IFT172: variants seen among roughly 807,000 people sequenced by gnomAD.
The protein encoded by IFT172 is intraflagellar transport protein 172 homolog.
In IFT172, 164 loss-of-function variants were observed where a neutral mutation model predicts 248.9. That is an observed-to-expected ratio of 0.66 (90% CI 0.58 to 0.75). IFT172 has a LOEUF of 0.75. Among genes scored for constraint, IFT172 ranks in the 30% least tolerant of loss-of-function variants. IFT172 has a pLI of 0.00. For missense variants in IFT172, 1,950 were observed against 2,192.4 expected, an observed-to-expected ratio of 0.89 and a Z score of 2.21; for synonymous variants, 729 against 791.6, an observed-to-expected ratio of 0.92 and a Z score of 1.33.
At chr2:27,483,225 C>T in intron 7 of IFT172, 64 bp downstream of exon 7, 2 of 917,362 alleles carry the variant, frequency 2.2e-6, no homozygotes, top group Non-Finnish European at 3.6e-6. Flanking sequence ...CTGTGTTGCC[C>T]ATGCTGGTCT....
At chr2:27,444,592 C>CCTGCGA in intron 47 of IFT172, 71 bp from the exon 48 acceptor site, 1 of 1,188,710 alleles carries the variant, frequency 8.4e-7, no homozygotes. Flanking sequence ...CCATCGCAGG[C>CCTGCGA]TTCAGGGTCT....
chr2:27,462,900 A>C, intron 19 of IFT172, 107 bp from the exon 20 acceptor site: 1 of 1,233,028 alleles, frequency 8.1e-7, no homozygotes, highest in Non-Finnish European at 1.2e-6. Context: ...AGACTTGGGA[A>C]GGTAAAACAC....
chr2:27,481,182 G>C lies in IFT172; in HGVS notation c.649C>G (p.Arg217Gly). Residue 217 changes from arginine to glycine, a missense_variant, in exon 8 of 48, where the codon CGG (arginine) becomes GGG (glycine). Around this residue, in one of 3 missense-constraint regions of IFT172, gnomAD observed 1,166 missense variants for 1,254.1 expected, o/e 0.93. Coordinates refer to ENST00000260570, the MANE Select transcript of IFT172 (RefSeq NM_015662.3). The stretch of plus-strand genomic sequence containing the variant: ...TCTTTTCCATAGGCTACAATTTTCC[G>C]ATCACAGCCTGCAGCCACGATGCTA... ...TNSIVAAGCD[R>G]KIVAYGKEGH... 1 of 1,613,072 alleles carries C rather than the reference G, an allele frequency of 6.2e-7. No individual in the cohort carries two copies. The highest frequency in any genetic ancestry group is 8.5e-7 in the Non-Finnish European group (1 of 1,179,976).
At position 27,460,134 on chromosome 2, in the gene IFT172, A is replaced by T. The variant is rs887877302; in HGVS notation, c.2522-305T>A. On this transcript the variant is annotated intron_variant, in intron 23 of 47. Coordinates refer to ENST00000260570, the MANE Select transcript of IFT172 (RefSeq NM_015662.3). ...CCCCCAACCCCGTGCTCTCTGAAAC[A>T]TGTGCTGTGTCCACTCAGAGTTGAA... is the stretch of plus-strand genomic sequence containing the variant. Among the ~76,000 whole-genome samples, 3 of 151,034 alleles carry T rather than the reference A, an allele frequency of 2.0e-5. No individual in the cohort carries two copies. The East Asian group carries it at 5.8e-4, about 29-fold the overall frequency.
At chr2:27,475,117 T>C (rs960960200) in intron 14 of IFT172, among the ~76,000 whole-genome samples, 4 of 152,356 alleles carry the variant, frequency 2.6e-5, no homozygotes, top group African/African-American at 9.6e-5. Flanking sequence ...ATAATTATTA[T>C]ATATGAAATT....
chr2:27,454,113 G>A lies in IFT172; in HGVS notation c.3580C>T (p.His1194Tyr), dbSNP rs764965204. Residue 1194 changes from histidine (H) to tyrosine (Y), a missense_variant, in exon 33 of 48, where the codon CAC becomes TAC. His to Tyr is a moderately conservative substitution (Grantham distance 83). Coordinates refer to ENST00000260570, the MANE Select transcript of IFT172 (RefSeq NM_015662.3). This position sits in a 1 kb window ranked among gnomAD's most constrained non-coding sequence, Gnocchi z 4.2. ...ACCTCGGCGACACTGTCAGGGTCGTGAGCCTCAGCCACACGCTGAGCTGCC... is the reference window on the plus strand; with the variant it reads ...ACCTCGGCGACACTGTCAGGGTCGTAAGCCTCAGCCACACGCTGAGCTGCC... ...WEAAQRVAEA[H>Y]DPDSVAEVLV... The A allele has an allele frequency of 1.2e-6, 2 of 1,613,896 alleles. No homozygotes were observed. The highest frequency in any genetic ancestry group is 1.7e-6 in the Non-Finnish European group (2 of 1,179,944).
chr2:27,446,680 ATTTTTTTTTTTTTT>A (rs766069964), intron 42 of IFT172, among the ~76,000 whole-genome samples: 10 of 80,466 alleles, frequency 1.2e-4, no homozygotes, highest in Middle Eastern at 9.4e-3. Flanking sequence ...TGCCTGGCTA[ATTTTTTTTTTTTTT>A]TTTTTTTTTT....
chr2:27,447,828 T>C lies in IFT172; in HGVS notation c.4523A>G (p.Asp1508Gly). ...EAYHSWADLRDVLFNLCENLV... is the reference protein window; with the variant it reads ...EAYHSWADLRGVLFNLCENLV... ...CTTCCTCACCAGGTTGAAGAGGACA[T>C]CTCGAAGATCAGCCCAGCTATGATA... is the stretch of plus-strand genomic sequence containing the variant. The change falls in exon 41 of 48, where the codon GAT becomes GGT. Residue 1508 changes from aspartate (D) to glycine (G), a missense_variant. Physicochemically the swap from Asp to Gly is moderately conservative, Grantham distance 94. Coordinates refer to ENST00000260570, the MANE Select transcript of IFT172 (RefSeq NM_015662.3). 1 of 1,612,748 alleles carries C rather than the reference T, an allele frequency of 6.2e-7. No individual in the cohort carries two copies. Among genetic ancestry groups the C allele is most frequent in the South Asian group, 1.1e-5 (1 of 91,052 alleles).
At position 27,454,139 on chromosome 2, in the gene IFT172, T is replaced by A; in HGVS notation, c.3554A>T (p.Glu1185Val). Reference sequence around the variant, plus strand: ...AGCCTCAGCCACACGCTGAGCTGCCTCCCAATCCTGGTTATGGACAAACCT... The same window carrying A: ...AGCCTCAGCCACACGCTGAGCTGCCACCCAATCCTGGTTATGGACAAACCT... ...VLMFVHNQDW[E>V]AAQRVAEAHD... is the part of the protein sequence containing the mutation. The change falls in exon 33 of 48, where the codon GAG becomes GTG. Residue 1185 changes from glutamate to valine, a missense_variant. Physicochemically the swap from Glu to Val is moderately radical, Grantham distance 121 (BLOSUM62 -2). Coordinates refer to ENST00000260570, the MANE Select transcript of IFT172 (RefSeq NM_015662.3). This position sits in a 1 kb window ranked among gnomAD's most constrained non-coding sequence, Gnocchi z 4.2. 1 of 1,613,140 alleles carries A rather than the reference T, an allele frequency of 6.2e-7. No individual in the cohort carries two copies. Among genetic ancestry groups the A allele is most frequent in the Non-Finnish European group, 8.5e-7 (1 of 1,179,568 alleles).
intron 36 of IFT172, 95 bp from the exon 37 acceptor site, chr2:27,449,895 G>A: frequency 7.2e-7 from 1 of 1,392,930 alleles, no homozygotes; most frequent in Admixed American, 1.8e-5. Context: ...TGCAAGCCAT[G>A]CCCACCAGGA....
rs555928652 is a variant in IFT172 at position 27,489,670 on chromosome 2, T to G, written c.-17A>C. 1 of 1,606,960 alleles carries G rather than the reference T, an allele frequency of 6.2e-7. No homozygotes were observed. The highest frequency in any genetic ancestry group is 2.2e-5 in the East Asian group (1 of 44,504). On this transcript the variant is annotated 5_prime_UTR_variant, in exon 1 of 48. Transcript: ENST00000260570. ...CAAGTGCATGACGCACACCTGTCTT[T>G]CAGATGCTCCTAGACAGCGACAACT... is the stretch of plus-strand genomic sequence containing the variant.
rs1465201525 is a variant in IFT172 at position 27,449,305 on chromosome 2, C to G, written c.4300G>C (p.Ala1434Pro). The G allele has an allele frequency of 6.2e-7, 1 of 1,614,136 alleles. No homozygotes were observed. Among genetic ancestry groups the G allele is most frequent in the Non-Finnish European group, 8.5e-7 (1 of 1,180,024 alleles). Reference sequence around the variant, plus strand: ...GAAGAGAGCAGTACCTGCTTGGTAGCTGTTTCAATGCACTTGTCCCACTGG... The same window carrying G: ...GAAGAGAGCAGTACCTGCTTGGTAGGTGTTTCAATGCACTTGTCCCACTGG... Reference protein sequence around the residue: ...QGQWDKCIETATKQNYKILHK... With the variant: ...QGQWDKCIETPTKQNYKILHK... The change falls in exon 39 of 48, where the codon GCT (alanine) becomes CCT (proline). Residue 1434 changes from alanine (A) to proline (P), a missense_variant. Physicochemically the swap from Ala to Pro is conservative, Grantham distance 27. Around this residue, in one of 3 missense-constraint regions of IFT172, gnomAD observed 620 missense variants for 699.0 expected, o/e 0.89. Transcript: ENST00000260570.
intron 14 of IFT172, among the ~76,000 whole-genome samples, chr2:27,474,294 G>A (rs1030238104): frequency 6.6e-6 from 1 of 152,110 alleles, no homozygotes; most frequent in Non-Finnish European, 1.5e-5. Context: ...CATGAAATGT[G>A]CAACTATTTT....
intron 8 of IFT172, 68 bp from the exon 9 acceptor site, chr2:27,480,217 C>A: frequency 1.3e-6 from 2 of 1,512,936 alleles, no homozygotes; most frequent in South Asian, 1.3e-5. Context: ...GGGCTGATAA[C>A]CAAAGGAAAT....
intron 18 of IFT172, 59 bp from the exon 19 acceptor site, chr2:27,463,240 A>G: frequency 6.7e-7 from 1 of 1,485,012 alleles, no homozygotes; most frequent in Non-Finnish European, 9.3e-7. Context: ...TCATTAATTC[A>G]TTGGTTCAGC....
At chr2:27,449,851 C>T (rs920444292) in intron 36 of IFT172, 51 bp from the exon 37 acceptor site, 1 of 1,466,972 alleles carries the variant, frequency 6.8e-7, no homozygotes, top group Non-Finnish European at 9.5e-7. Flanking sequence ...CCCAGTCTTC[C>T]CACTGTGAGC....
chr2:27,482,689 C>T (rs1668473980), intron 7 of IFT172, among the ~76,000 whole-genome samples: 1 of 152,188 alleles, frequency 6.6e-6, no homozygotes, highest in African/African-American at 2.4e-5. Context: ...AAACTATTAA[C>T]TCTTTTTTCT....
chr2:27,465,883 C>G lies in IFT172; in HGVS notation c.1693-1G>C, dbSNP rs780210480. 2 of 1,614,088 alleles carry G rather than the reference C, an allele frequency of 1.2e-6. No homozygotes were observed. Among genetic ancestry groups the G allele is most frequent in the Admixed American group, 3.3e-5 (2 of 60,010 alleles). On this transcript the variant is annotated splice_acceptor_variant, in intron 16 of 47. Transcript: ENST00000260570. LOFTEE classifies it high-confidence loss of function. ...CCCGCTCCAGACCTATAACATCACCCTGTAAAAGTTTATCCCCCAACCCAC... is the reference window on the plus strand; with the variant it reads ...CCCGCTCCAGACCTATAACATCACCGTGTAAAAGTTTATCCCCCAACCCAC...
chr2:27,472,274 G>C lies in IFT172; in HGVS notation c.1500C>G (p.Leu500=). ...CACGAAGTTTCCGGTCCCTGAAGAGGAGCTTGTGTCCAGTCTCATTAAGTT... is the reference window on the plus strand; with the variant it reads ...CACGAAGTTTCCGGTCCCTGAAGAGCAGCTTGTGTCCAGTCTCATTAAGTT... The part of the protein sequence containing the change: ...WLELNETGHK[L]LFRDRKLRLH... Residue 500 remains leucine, a synonymous_variant, in exon 15 of 48, where the codon CTC becomes CTG. Transcript: ENST00000260570. 1 of 1,614,056 alleles carries C rather than the reference G, an allele frequency of 6.2e-7. No individual in the cohort carries two copies. Among genetic ancestry groups the C allele is most frequent in the Middle Eastern group, 1.7e-4 (1 of 6,058 alleles).
Sources: gnomAD v4.1 joint callset for allele counts (sites outside exome capture counted in the v4.1 genomes callset) on GRCh38, gnomAD v4.1.1 for gene constraint, gnomAD v4.1.1 regional missense constraint, Gnocchi (gnomAD v3.1) non-coding constraint, MANE v1.5 for transcripts, NCBI Gene and HGNC (gene_info 2026-07-23, HGNC 2026-07-21) for gene names.